Variants in MAP4K4 observed in about 807,000 individuals in gnomAD.
MAP4K4 encodes mitogen-activated protein kinase kinase kinase kinase 4, also known as HPK/GCK-like kinase HGK.
In MAP4K4, 38 loss-of-function variants were observed where a neutral mutation model predicts 189.6. That is an observed-to-expected ratio of 0.20 (90% CI 0.15 to 0.26). The LOEUF is 0.26. Ranked by LOEUF, MAP4K4 falls within the 10% of genes least tolerant of loss-of-function variation. The pLI is 1.00. For missense variants in MAP4K4, 1,054 were observed against 1,726.9 expected, an observed-to-expected ratio of 0.61 and a Z score of 6.91; for synonymous variants, 610 against 624.3, an observed-to-expected ratio of 0.98 and a Z score of 0.34.
intron 21 of MAP4K4, 68 bp downstream of exon 21, chr2:101,868,105 T>C (rs2097869679): frequency 6.4e-7 from 1 of 1,563,480 alleles, no homozygotes; most frequent in South Asian, 1.2e-5. Context: ...TCAGCTTGTA[T>C]TCGAGCTGCG....
At chr2:101,767,088 AAGTT>A (rs1318827559) in intron 2 of MAP4K4, among the ~76,000 whole-genome samples, 1 of 152,190 alleles carries the variant, frequency 6.6e-6, no homozygotes, top group Non-Finnish European at 1.5e-5. Flanking sequence ...GTTTGAAGTG[AAGTT>A]ACAAAGTTAT....
At chr2:101,867,256 G>A in exon 20 of MAP4K4, 1 of 1,607,738 alleles carries the variant, frequency 6.2e-7, no homozygotes, top group Non-Finnish European at 8.5e-7. Context: ...CCTGGAAAAT[G>A]CAGTGAAAAA....
chr2:101,887,534 C>G (rs1403373389), intron 30 of MAP4K4, among the ~76,000 whole-genome samples: 2 of 152,138 alleles, frequency 1.3e-5, no homozygotes, highest in Non-Finnish European at 2.9e-5. Context: ...GAGTGGTTCT[C>G]AATTGGAGCC....
At chr2:101,842,480 C>T in intron 10 of MAP4K4, 129 bp from the exon 11 acceptor site, 5 of 613,218 alleles carry the variant, frequency 8.2e-6, no homozygotes, top group Non-Finnish European at 8.8e-6. Context: ...CCCAAATCCT[C>T]TATACAAGTT....
intron 12 of MAP4K4, among the ~76,000 whole-genome samples, chr2:101,848,400 C>G (rs1396908786): frequency 6.6e-6 from 1 of 152,144 alleles, no homozygotes; most frequent in Non-Finnish European, 1.5e-5. Flanking sequence ...GTTCGTAGCC[C>G]TTTATTGGCA....
At chr2:101,885,585 C>G (rs2098468835) in intron 29 of MAP4K4, among the ~76,000 whole-genome samples, 1 of 152,176 alleles carries the variant, frequency 6.6e-6, no homozygotes, top group African/African-American at 2.4e-5. Context: ...AAAAGGTGAC[C>G]TTCACCTGAG....
chr2:101,862,776 T>G (rs1015852367), intron 16 of MAP4K4, among the ~76,000 whole-genome samples: 11 of 152,212 alleles, frequency 7.2e-5, no homozygotes, highest in African/African-American at 2.7e-4. Flanking sequence ...CTTAAACATT[T>G]TAGAAGTCTA....
intron 15 of MAP4K4, chr2:101,860,101 G>A (rs1410981195): frequency 2.3e-5 from 13 of 570,010 alleles, no homozygotes; most frequent in Non-Finnish European, 3.8e-5. Flanking sequence ...TATCCCAGAA[G>A]AACTTGAAAC....
chr2:101,711,973 C>CTT (rs57205012), intron 2 of MAP4K4, among the ~76,000 whole-genome samples: 39 of 122,378 alleles, frequency 3.2e-4, no homozygotes, highest in Admixed American at 1.3e-3. Context: ...CTGTCTTGCC[C>CTT]TTTTTTTTTT....
intron 32 of MAP4K4, among the ~76,000 whole-genome samples, chr2:101,889,153 T>C (rs1391496043): frequency 6.6e-6 from 1 of 152,164 alleles, no homozygotes; most frequent in African/African-American, 2.4e-5. Flanking sequence ...TTAACATATT[T>C]GGGTTTTGCT....
intron 26 of MAP4K4, 121 bp downstream of exon 26, chr2:101,874,373 C>A: frequency 1.2e-6 from 1 of 836,228 alleles, no homozygotes; most frequent in Non-Finnish European, 1.9e-6. Context: ...CTATGATGTC[C>A]ATCTCCTGTT....
intron 3 of MAP4K4, among the ~76,000 whole-genome samples, chr2:101,815,720 C>G (rs1016630157): frequency 9.2e-5 from 14 of 152,166 alleles, no homozygotes; most frequent in African/African-American, 3.1e-4. Flanking sequence ...TTGGGATTGT[C>G]ACATCATGTA....
chr2:101,754,552 A>G (rs1282443369), intron 2 of MAP4K4, among the ~76,000 whole-genome samples: 1 of 151,972 alleles, frequency 6.6e-6, no homozygotes, highest in South Asian at 2.1e-4. Context: ...GGATATCACT[A>G]TATGTTGGCC....
At chr2:101,756,596 T>G (rs1413898551) in intron 2 of MAP4K4, among the ~76,000 whole-genome samples, 1 of 152,108 alleles carries the variant, frequency 6.6e-6, no homozygotes, top group East Asian at 1.9e-4. Context: ...ACTTTGTTGC[T>G]TATGCTGGAG....
chr2:101,839,760 A>G (rs943471236), intron 9 of MAP4K4, 59 bp from the exon 10 acceptor site: 9 of 1,317,750 alleles, frequency 6.8e-6, no homozygotes, highest in East Asian at 4.9e-5. Context: ...TAAGTTACTG[A>G]TATTTTCGAT....
Position 101,798,822 on chromosome 2 carries a change from T to C in MAP4K4, c.180+8046T>C, listed in dbSNP as rs562298505. Among the ~76,000 whole-genome samples the C allele has an allele frequency of 4.5e-4, 68 of 152,358 alleles. 1 individual carries two copies. The highest frequency in any genetic ancestry group is 7.5e-4 in the Non-Finnish European group (51 of 68,020). On this transcript the variant is annotated intron_variant, in intron 3 of 32. Coordinates refer to ENST00000324219, the Ensembl canonical transcript of MAP4K4. ...CATTGTCCAAGAAAACAGTCTTCTATTGCAATATTTATAATTTTCCATGTC... is the reference window on the plus strand; with the variant it reads ...CATTGTCCAAGAAAACAGTCTTCTACTGCAATATTTATAATTTTCCATGTC...
At chr2:101,859,227 A>T in intron 14 of MAP4K4, 145 bp downstream of exon 14, 1 of 633,442 alleles carries the variant, frequency 1.6e-6, no homozygotes, top group African/African-American at 1.8e-5. Context: ...TTGTGGTCCT[A>T]TTGCTAGCAC....
intron 2 of MAP4K4, among the ~76,000 whole-genome samples, chr2:101,704,567 ATTTTTTTTTTTTTT>A (rs57278834): frequency 4.3e-5 from 1 of 23,398 alleles, no homozygotes; most frequent in Non-Finnish European, 6.5e-5. Flanking sequence ...ATATATATAT[ATTTTTTTTTTTTTT>A]TTTTTTTTTG....
At chr2:101,867,725 GCTTTTAGA>G in intron 20 of MAP4K4, 1 of 428,598 alleles carries the variant, frequency 2.3e-6, no homozygotes. Context: ...TACAATACTG[GCTTTTAGA>G]CTAAGTTTTT....
Sources: gnomAD v4.1 joint callset for allele counts (sites outside exome capture counted in the v4.1 genomes callset) on GRCh38, gnomAD v4.1.1 for gene constraint, MANE v1.5 for transcripts, NCBI Gene and HGNC (gene_info 2026-07-23, HGNC 2026-07-21) for gene names.